DACH2: variants seen among roughly 807,000 people sequenced by gnomAD.
The protein encoded by DACH2 is dachshund family transcription factor 2, also known as dachshund homolog 2.
DACH2 carries 17 observed loss-of-function variants against 35.8 expected under a neutral mutation model. That is an observed-to-expected ratio of 0.48 (90% confidence interval 0.33 to 0.71). The LOEUF is 0.71. Ranked by LOEUF, DACH2 falls within the 30% of genes least tolerant of loss-of-function variation. The pLI, the probability that DACH2 is intolerant of heterozygous loss-of-function variation, is 0.02. For missense variants in DACH2, 469 were observed against 472.7 expected (o/e 0.99, Z 0.07); for synonymous variants, 195 against 177.3 (o/e 1.10, Z -0.79).
chrX:86,712,847 C>A (rs2041294208), intron 5 of DACH2, among the ~76,000 whole-genome samples: 1 of 111,167 alleles, frequency 9.0e-6, no homozygotes, highest in Admixed American at 9.6e-5. Context: ...TATTTTCTGA[C>A]TCCAGGATAT....
At chrX:86,673,855 C>A (rs189730082) in intron 4 of DACH2, among the ~76,000 whole-genome samples, 80 of 111,279 alleles carry the variant, frequency 7.2e-4, no homozygotes, top group Middle Eastern at 9.5e-3. Flanking sequence ...GTGTGTAGCA[C>A]CTCCCCCTTC....
At chrX:86,254,863 A>G (rs1258714005) in intron 1 of DACH2, among the ~76,000 whole-genome samples, 3 of 99,232 alleles carry the variant, frequency 3.0e-5, no homozygotes, top group Non-Finnish European at 6.1e-5. Context: ...AAAATTGCAG[A>G]AAGTACATTT....
chrX:86,347,638 G>A (rs762765026), intron 1 of DACH2, among the ~76,000 whole-genome samples: 4 of 112,628 alleles, frequency 3.6e-5, no homozygotes, highest in East Asian at 5.6e-4. Flanking sequence ...TAGCTTGTTC[G>A]TTTATATAAC....
At chrX:86,333,988 T>A (rs1212065534) in intron 1 of DACH2, among the ~76,000 whole-genome samples, 2 of 105,845 alleles carry the variant, frequency 1.9e-5, no homozygotes, top group Non-Finnish European at 4.1e-5. Flanking sequence ...CTCCCATTTA[T>A]GAGTGAGAAC....
chrX:86,806,962 C>T (rs765267346), intron 7 of DACH2, among the ~76,000 whole-genome samples: 11 of 111,569 alleles, frequency 9.9e-5, no homozygotes, highest in Non-Finnish European at 1.9e-4. Context: ...GGGCGTTTTG[C>T]AACATCACTG....
At chrX:86,306,237 T>G (rs1290016155) in intron 1 of DACH2, among the ~76,000 whole-genome samples, 1 of 112,147 alleles carries the variant, frequency 8.9e-6, no homozygotes, top group Non-Finnish European at 1.9e-5. Context: ...AATGTAGTAT[T>G]TATAAACAAT....
intron 2 of DACH2, among the ~76,000 whole-genome samples, chrX:86,444,220 G>C (rs2037219966): frequency 9.0e-6 from 1 of 111,373 alleles, no homozygotes; most frequent in African/African-American, 3.3e-5. Flanking sequence ...TAAATAGCTA[G>C]CACTACAGGC....
intron 1 of DACH2, among the ~76,000 whole-genome samples, chrX:86,269,842 T>C (rs1602340036): frequency 9.1e-6 from 1 of 109,430 alleles, no homozygotes; most frequent in South Asian, 3.9e-4. Context: ...TTTAGGGCTT[T>C]GCTGTTTGGT....
intron 1 of DACH2, among the ~76,000 whole-genome samples, chrX:86,303,744 C>A (rs867963786): frequency 2.4e-5 from 2 of 82,806 alleles, no homozygotes; most frequent in Non-Finnish European, 5.2e-5. Context: ...ATATATATAT[C>A]TTTCTGTACC....
chrX:86,177,554 C>T (rs1289906018), intron 1 of DACH2, among the ~76,000 whole-genome samples: 5 of 111,636 alleles, frequency 4.5e-5, no homozygotes, highest in African/African-American at 1.6e-4. Context: ...TCAATCTTGA[C>T]TCCTTGCTGA....
intron 1 of DACH2, among the ~76,000 whole-genome samples, chrX:86,273,443 G>A (rs2033851410): frequency 1.8e-5 from 2 of 111,798 alleles, no homozygotes; most frequent in African/African-American, 6.5e-5. Context: ...CACTTGCATT[G>A]TTACATATTT....
At chrX:86,546,750 G>T (rs991444369) in intron 3 of DACH2, among the ~76,000 whole-genome samples, 29 of 108,724 alleles carry the variant, frequency 2.7e-4, no homozygotes, top group African/African-American at 9.7e-4. Flanking sequence ...TCCTGAACTT[G>T]TGATCTGCCA....
rs1017018634 is a variant in DACH2 at position 86,616,293 on chromosome X, T to G, written c.641-34743T>G. Among the ~76,000 whole-genome samples, 4 of 112,063 alleles carry G rather than the reference T, an allele frequency of 3.6e-5. No individual in the cohort carries two copies. In the Admixed American group the frequency reaches 3.8e-4, roughly 11 times the overall value. ...ATTCCTTTGGGCATGTACCCAGTAC[T>G]GGGATTGCTGGGTCAAACTGCAGTT... is the stretch of plus-strand genomic sequence containing the variant. On this transcript the variant is annotated intron_variant, in intron 3 of 11. Transcript: ENST00000373125.
chrX:86,227,922 C>A (rs1360360928), intron 1 of DACH2, among the ~76,000 whole-genome samples: 1 of 110,433 alleles, frequency 9.1e-6, no homozygotes, highest in Non-Finnish European at 1.9e-5. Context: ...GTCAGTAATG[C>A]AATGCTGATT....
intron 1 of DACH2, among the ~76,000 whole-genome samples, chrX:86,193,385 A>G (rs1039341325): frequency 2.7e-5 from 3 of 111,942 alleles, no homozygotes; most frequent in Non-Finnish European, 5.6e-5. Context: ...CCTCAATGAA[A>G]TACAACAAAG....
intron 2 of DACH2, among the ~76,000 whole-genome samples, chrX:86,446,197 A>C (rs912896848): frequency 3.7e-5 from 4 of 109,084 alleles, no homozygotes; most frequent in African/African-American, 1.3e-4. Flanking sequence ...TTTGTGTGGA[A>C]TGTCTTTTTT....
intron 2 of DACH2, among the ~76,000 whole-genome samples, chrX:86,413,039 G>A (rs2036640819): frequency 9.0e-6 from 1 of 111,517 alleles, no homozygotes; most frequent in Non-Finnish European, 1.9e-5. Context: ...CTTCACTTTA[G>A]AAGGAATATC....
intron 2 of DACH2, among the ~76,000 whole-genome samples, chrX:86,400,665 G>A (rs1314393877): frequency 1.8e-5 from 2 of 111,819 alleles, no homozygotes; most frequent in Non-Finnish European, 3.8e-5. Flanking sequence ...GTTTGCCTGG[G>A]TATCAGCAGC....
intron 7 of DACH2, among the ~76,000 whole-genome samples, chrX:86,771,407 G>T (rs1194327511): frequency 8.9e-6 from 1 of 112,572 alleles, no homozygotes; most frequent in African/African-American, 3.2e-5. Flanking sequence ...TTGAATAAGA[G>T]TTAGCAATTA....
Sources: allele counts gnomAD v4.1 joint callset (sites outside exome capture counted in the v4.1 genomes callset), GRCh38; gene constraint gnomAD v4.1.1; transcripts MANE v1.5; gene names NCBI Gene and HGNC (gene_info 2026-07-23, HGNC 2026-07-21).